Variants in MACROH2A1 observed in about 807,000 individuals in gnomAD.
The protein encoded by MACROH2A1 is core histone macro-H2A.1.
In MACROH2A1, 2 loss-of-function variants were observed where a neutral mutation model predicts 31.6. The ratio of observed to expected loss-of-function variants is 0.06; its 90% CI spans 0.03 to 0.20. MACROH2A1 has a LOEUF of 0.20. Among genes scored for constraint, MACROH2A1 ranks in the 10% least tolerant of loss-of-function variants. MACROH2A1 has a pLI of 1.00. For missense variants in MACROH2A1, 230 were observed against 474.0 expected (o/e 0.49, Z 4.78); for synonymous variants, 169 against 189.6 (o/e 0.89, Z 0.89).
chr5:135,361,027 C>A, intron 4 of MACROH2A1: 1 of 334,076 alleles, frequency 3.0e-6, no homozygotes. Flanking sequence ...CGACTAAGGA[C>A]TATAACCCTC....
intron 6 of MACROH2A1, chr5:135,351,079 G>T (rs1342190951): frequency 7.9e-6 from 4 of 507,102 alleles, no homozygotes; most frequent in African/African-American, 7.6e-5. Flanking sequence ...ATGGGGGTGA[G>T]GACAGGAGGA....
At chr5:135,363,178 C>T (rs535899641) in intron 4 of MACROH2A1, among the ~76,000 whole-genome samples, 1 of 151,524 alleles carries the variant, frequency 6.6e-6, no homozygotes, top group East Asian at 1.9e-4. Context: ...AGCAAAACCC[C>T]ACTGCTACCA....
intron 2 of MACROH2A1, among the ~76,000 whole-genome samples, chr5:135,378,160 A>C (rs922983356): frequency 6.6e-6 from 1 of 152,218 alleles, no homozygotes; most frequent in Admixed American, 6.5e-5. Context: ...CCACTGAGTG[A>C]CACAAGCTCC....
At chr5:135,367,039 T>C (rs1021440147) in intron 4 of MACROH2A1, among the ~76,000 whole-genome samples, 3 of 152,148 alleles carry the variant, frequency 2.0e-5, no homozygotes, top group African/African-American at 7.2e-5. Context: ...TTATGTAGAA[T>C]TGTGGGAAAA....
intron 5 of MACROH2A1, chr5:135,357,677 G>A (rs749247088): frequency 1.0e-6 from 1 of 955,854 alleles, no homozygotes; most frequent in Non-Finnish European, 1.2e-6. Flanking sequence ...TCTGAAAAAA[G>A]GCTGCAAATC....
intron 5 of MACROH2A1, chr5:135,358,491 C>T: frequency 4.1e-6 from 4 of 985,350 alleles, no homozygotes; most frequent in South Asian, 4.7e-5. Context: ...GTTTTGTTTT[C>T]ACCACTAAAA....
chr5:135,353,235 A>C (rs1200335080), intron 5 of MACROH2A1, 190 bp from the exon 6 acceptor site: 4 of 561,972 alleles, frequency 7.1e-6, no homozygotes, highest in Non-Finnish European at 1.3e-5. Context: ...TGCGGGAGCA[A>C]GCAAACTAGG....
At chr5:135,343,854 C>T (rs1487610897) in intron 7 of MACROH2A1, 1 of 245,918 alleles carries the variant, frequency 4.1e-6, no homozygotes, top group African/African-American at 2.2e-5. Flanking sequence ...TCGACTTGCA[C>T]ACCAATATGA....
intron 8 of MACROH2A1, among the ~76,000 whole-genome samples, chr5:135,342,858 G>A (rs1285874254): frequency 6.6e-6 from 1 of 152,100 alleles, no homozygotes; most frequent in African/African-American, 2.4e-5. Flanking sequence ...GTGGTTTGGG[G>A]GACAGACCAT....
At chr5:135,352,499 G>A (rs985291030) in intron 6 of MACROH2A1, among the ~76,000 whole-genome samples, 2 of 152,208 alleles carry the variant, frequency 1.3e-5, no homozygotes. Flanking sequence ...GTGGACTAAA[G>A]ACAGCTTAAT....
intron 6 of MACROH2A1, among the ~76,000 whole-genome samples, chr5:135,347,869 T>C (rs1027442595): frequency 1.3e-5 from 2 of 152,228 alleles, no homozygotes; most frequent in Non-Finnish European, 2.9e-5. Flanking sequence ...CTAGTTAGCA[T>C]TCTCAGTCTT....
chr5:135,336,516 A>AGTCACAGAGCACG (rs1554085697), intron 8 of MACROH2A1, among the ~76,000 whole-genome samples: 2 of 151,930 alleles, frequency 1.3e-5, no homozygotes, highest in Non-Finnish European at 1.5e-5. Context: ...GCAGCTCCTC[A>AGTCACAGAGCACG]GCCACAGAGC....
rs375102383 is a variant in MACROH2A1 at position 135,396,270 on chromosome 5, A to G, written c.-34+2792T>C. ...TAAAGTGTGGGCTTCACAGGACAGG[A>G]CTCTGATAAGGCTTAGCATGTAGAA... On this transcript the variant is annotated intron_variant, in intron 1 of 8. Transcript: ENST00000511689. Among the ~76,000 whole-genome samples the G allele has an allele frequency of 2.8e-4, 43 of 152,316 alleles. No homozygotes were observed. The East Asian group carries it at 2.9e-3, about 10-fold the overall frequency.
At chr5:135,391,134 G>GC (rs1284877122) in intron 1 of MACROH2A1, among the ~76,000 whole-genome samples, 1 of 152,212 alleles carries the variant, frequency 6.6e-6, no homozygotes, top group Non-Finnish European at 1.5e-5. Context: ...CTCACTCTGA[G>GC]CAGGAAATGA....
intron 5 of MACROH2A1, chr5:135,353,729 C>T (rs1283496170): frequency 6.6e-6 from 1 of 152,210 alleles, no homozygotes; most frequent in Non-Finnish European, 1.5e-5. Flanking sequence ...GGTCAGGTTG[C>T]TCTGAGACTC....
At chr5:135,363,215 G>C (rs1763065923) in intron 4 of MACROH2A1, among the ~76,000 whole-genome samples, 1 of 151,818 alleles carries the variant, frequency 6.6e-6, no homozygotes, top group Non-Finnish European at 1.5e-5. Context: ...AAGAAAGAAA[G>C]AAAATGAGAC....
Position 135,342,695 on chromosome 5 carries a change from C to T in MACROH2A1, c.953+565G>A, listed in dbSNP as rs190395148. ...TTCAATCTCACGTAATTCCCCATTC[C>T]GTTCCACCAGGTCCCATTACCTCAT... On this transcript the variant is annotated intron_variant, in intron 8 of 8. Transcript: ENST00000511689. Among the ~76,000 whole-genome samples the T allele has an allele frequency of 1.3e-4, 20 of 152,270 alleles. No homozygotes were observed. The South Asian group carries it at 2.1e-3, about 16-fold the overall frequency.
At chr5:135,339,606 T>G (rs1759430050) in intron 8 of MACROH2A1, among the ~76,000 whole-genome samples, 1 of 152,172 alleles carries the variant, frequency 6.6e-6, no homozygotes, top group Non-Finnish European at 1.5e-5. Flanking sequence ...ATTCTGGTAT[T>G]CTTTGTCTGT....
intron 6 of MACROH2A1, chr5:135,351,409 T>C (rs1761519156): frequency 6.3e-6 from 1 of 157,546 alleles, no homozygotes; most frequent in African/African-American, 2.4e-5. Flanking sequence ...GGGATTTCTC[T>C]TGAAAACCCA....
Sources: gnomAD v4.1 joint callset for allele counts (sites outside exome capture counted in the v4.1 genomes callset) on GRCh38, gnomAD v4.1.1 for gene constraint, MANE v1.5 for transcripts, NCBI Gene and HGNC (gene_info 2026-07-23, HGNC 2026-07-21) for gene names.